Variants in COL13A1 observed in about 807,000 individuals in gnomAD.
The protein encoded by COL13A1 is collagen type XIII alpha 1 chain.
In COL13A1, 89 loss-of-function variants were observed where a neutral mutation model predicts 130.9. The ratio of observed to expected loss-of-function variants is 0.68; its 90% CI spans 0.57 to 0.81. COL13A1 has a LOEUF of 0.81. COL13A1 is among the 30% of genes least tolerant of loss of function. COL13A1 has a pLI of 0.00. For synonymous variants in COL13A1, 402 were observed against 341.6 expected (o/e 1.18, Z -1.95); for missense variants, 879 against 934.6 (o/e 0.94, Z 0.78).
intron 18 of COL13A1, 109 bp downstream of exon 18, chr10:69,917,442 C>T: frequency 1.1e-6 from 1 of 951,118 alleles, no homozygotes; most frequent in Non-Finnish European, 1.6e-6. Context: ...CTTTGGGCCT[C>T]CTTCTGCCTG....
intron 2 of COL13A1, among the ~76,000 whole-genome samples, chr10:69,833,152 C>T (rs1417489809): frequency 6.6e-6 from 1 of 152,208 alleles, no homozygotes; most frequent in East Asian, 1.9e-4. Flanking sequence ...GTCATTCACT[C>T]CCACAATGAT....
intron 15 of COL13A1, 127 bp downstream of exon 15, chr10:69,902,982 G>T (rs2062359683): frequency 3.0e-6 from 2 of 677,326 alleles, no homozygotes; most frequent in Non-Finnish European, 4.7e-6. Context: ...TTGGATGTGG[G>T]TGAACCATGC....
intron 20 of COL13A1, among the ~76,000 whole-genome samples, 190 bp from the exon 21 acceptor site, chr10:69,919,475 T>C (rs146951397): frequency 6.6e-6 from 1 of 152,360 alleles, no homozygotes; most frequent in East Asian, 1.9e-4. Flanking sequence ...TAAATGTGCA[T>C]TGAGGAGCTC....
chr10:69,938,262 G>T (rs2067200786), intron 34 of COL13A1, among the ~76,000 whole-genome samples: 1 of 152,182 alleles, frequency 6.6e-6, no homozygotes, highest in South Asian at 2.1e-4. Flanking sequence ...GAAGCCCCAG[G>T]TCAGAGGTGG....
At chr10:69,948,050 G>T (rs187722284) in intron 38 of COL13A1, among the ~76,000 whole-genome samples, 16 of 152,354 alleles carry the variant, frequency 1.1e-4, no homozygotes, top group Non-Finnish European at 1.5e-4. Flanking sequence ...CCTCTGGAGG[G>T]TCTCATCTGC....
chr10:69,890,728 A>G (rs1192486843), intron 10 of COL13A1, among the ~76,000 whole-genome samples: 1 of 152,168 alleles, frequency 6.6e-6, no homozygotes, highest in Non-Finnish European at 1.5e-5. Flanking sequence ...TGTCCTCTTG[A>G]CTCAGATCCA....
At chr10:69,828,525 G>A (rs529420252) in intron 2 of COL13A1, among the ~76,000 whole-genome samples, 94 of 152,264 alleles carry the variant, frequency 6.2e-4, no homozygotes, top group African/African-American at 2.2e-3. Flanking sequence ...CCAGTCTTCC[G>A]CTGTCCTGCT....
chr10:69,842,404 C>A (rs1303592108), intron 2 of COL13A1, among the ~76,000 whole-genome samples: 1 of 152,176 alleles, frequency 6.6e-6, no homozygotes, highest in Non-Finnish European at 1.5e-5. Flanking sequence ...CGGACTATTA[C>A]ACTGGCTTCT....
Position 69,945,662 on chromosome 10 carries a change from C to T in COL13A1, c.1969-9C>T, listed in dbSNP as rs776816243. The T allele has an allele frequency of 9.3e-6, 15 of 1,611,916 alleles. 1 individual carries two copies. In the South Asian group the frequency reaches 1.4e-4, roughly 15 times the overall value. ...GGCAGGATTCATGCATTTCTTTCTC[C>T]CATTTCAGGGCAGCAAAGGAGACCC... On this transcript the variant is annotated splice_polypyrimidine_tract_variant and intron_variant, in intron 36 of 40. Transcript: ENST00000645393.
At chr10:69,840,977 T>G (rs1004080241) in intron 2 of COL13A1, among the ~76,000 whole-genome samples, 1 of 152,098 alleles carries the variant, frequency 6.6e-6, no homozygotes, top group African/African-American at 2.4e-5. Flanking sequence ...GACACTCCTC[T>G]GTCACCCCTC....
intron 2 of COL13A1, among the ~76,000 whole-genome samples, chr10:69,828,363 C>A (rs1160003844): frequency 6.6e-6 from 1 of 152,116 alleles, no homozygotes; most frequent in African/African-American, 2.4e-5. Flanking sequence ...ACAATAGCAA[C>A]ATCAGTGCCC....
At chr10:69,898,190 C>T in intron 13 of COL13A1, among the ~76,000 whole-genome samples, 1 of 152,208 alleles carries the variant, frequency 6.6e-6, no homozygotes, top group East Asian at 1.9e-4. Context: ...CAGCCGCACA[C>T]CAGCCCAACT....
chr10:69,905,894 CAA>C, intron 17 of COL13A1, 72 bp downstream of exon 17: 2 of 1,533,642 alleles, frequency 1.3e-6, no homozygotes, highest in Non-Finnish European at 1.8e-6. Flanking sequence ...ACCTCAGACC[CAA>C]GAGGGTCTCT....
chr10:69,917,155 G>A (rs867282781), intron 17 of COL13A1, 134 bp from the exon 18 acceptor site: 2 of 1,044,904 alleles, frequency 1.9e-6, no homozygotes. Flanking sequence ...TGCCACCAGG[G>A]CAGGGTCCTC....
intron 1 of COL13A1, among the ~76,000 whole-genome samples, chr10:69,808,332 G>A (rs150597166): frequency 2.6e-5 from 4 of 152,192 alleles, no homozygotes; most frequent in East Asian, 1.9e-4. Flanking sequence ...AAGCCTCCTC[G>A]AACCACTCCA....
intron 26 of COL13A1, among the ~76,000 whole-genome samples, chr10:69,926,389 C>T (rs1030890696): frequency 6.6e-5 from 10 of 152,154 alleles, no homozygotes; most frequent in Admixed American, 5.2e-4. Flanking sequence ...GGGGGAGAGT[C>T]GGTCCTGTGT....
chr10:69,872,053 C>T (rs1564905833), intron 3 of COL13A1, 131 bp from the exon 4 acceptor site: 10 of 1,036,506 alleles, frequency 9.6e-6, no homozygotes, highest in South Asian at 8.3e-5. Context: ...GCTCCCCCTT[C>T]GTTTTGTTCA....
chr10:69,944,037 A>T, intron 35 of COL13A1, 88 bp from the exon 36 acceptor site: 2 of 1,097,046 alleles, frequency 1.8e-6, no homozygotes, highest in Non-Finnish European at 2.8e-6. Flanking sequence ...TGGGCCTTGG[A>T]CCTTGCTCAT....
chr10:69,852,762 T>C (rs1855269113), intron 2 of COL13A1, among the ~76,000 whole-genome samples: 1 of 152,134 alleles, frequency 6.6e-6, no homozygotes, highest in Non-Finnish European at 1.5e-5. Context: ...GAGACCCCAG[T>C]GGGCTGGGAG....
Sources: allele counts gnomAD v4.1 joint callset (sites outside exome capture counted in the v4.1 genomes callset), GRCh38; gene constraint gnomAD v4.1.1; transcripts MANE v1.5; gene names NCBI Gene and HGNC (gene_info 2026-07-23, HGNC 2026-07-21).